The following RGS8 variants were observed in gnomAD, a reference collection of about 807,000 sequenced individuals.
The protein encoded by RGS8 is regulator of G-protein signaling 8.
In RGS8, 8 loss-of-function variants were observed where a neutral mutation model predicts 21.7. That is an observed-to-expected ratio of 0.37 (90% CI 0.22 to 0.66). RGS8 has a LOEUF of 0.66. Among genes scored for constraint, RGS8 ranks in the 30% least tolerant of loss-of-function variants. The probability of loss-of-function intolerance (pLI) is 0.59; values close to 1 mark genes in which losing one functional copy is unlikely to be tolerated. For synonymous variants in RGS8, 80 were observed against 83.6 expected (o/e 0.96, Z 0.24); for missense variants, 157 against 217.9 (o/e 0.72, Z 1.76).
At chr1:182,669,068 C>A (rs1664023081) in intron 3 of RGS8, among the ~76,000 whole-genome samples, 1 of 152,216 alleles carries the variant, frequency 6.6e-6, no homozygotes, top group African/African-American at 2.4e-5. Context: ...GTAAAGGATG[C>A]TACTTGTTAC....
At chr1:182,718,076 A>G in the RGS8 span, among the ~76,000 whole-genome samples, 1 of 152,188 alleles carries the variant, frequency 6.6e-6, no homozygotes, top group African/African-American at 2.4e-5. Flanking sequence ...TGAGATGTAG[A>G]CAAGTTTAAG....
upstream of RGS8, among the ~76,000 whole-genome samples, chr1:182,675,778 G>A (rs1346279796): frequency 6.6e-6 from 1 of 152,052 alleles, no homozygotes; most frequent in Non-Finnish European, 1.5e-5. Flanking sequence ...GCACCACCTT[G>A]CTGTAAGGCC....
At chr1:182,699,837 G>T in the RGS8 span, among the ~76,000 whole-genome samples, 2 of 152,190 alleles carry the variant, frequency 1.3e-5, no homozygotes, top group African/African-American at 4.8e-5. Context: ...GGGATCCCTC[G>T]GGGACTATAA....
chr1:182,672,977 C>T (rs959730382), upstream of RGS8: 6 of 866,478 alleles, frequency 6.9e-6, no homozygotes, highest in South Asian at 5.6e-5. Context: ...CACCCCTAGA[C>T]CTACAGAATC....
At chr1:182,744,601 G>A in the RGS8 span, among the ~76,000 whole-genome samples, 1 of 152,194 alleles carries the variant, frequency 6.6e-6, no homozygotes, top group Non-Finnish European at 1.5e-5. Context: ...TCTATGTTTA[G>A]TTGTGTGTAG....
the RGS8 span, among the ~76,000 whole-genome samples, chr1:182,706,516 G>A: frequency 6.6e-6 from 1 of 151,102 alleles, no homozygotes; most frequent in Non-Finnish European, 1.5e-5. Context: ...GCCCAGGCTG[G>A]AGTACAGTGG....
chr1:182,748,015 G>A, the RGS8 span, among the ~76,000 whole-genome samples: 1 of 151,764 alleles, frequency 6.6e-6, no homozygotes, highest in Admixed American at 6.6e-5. Context: ...AGGTATCATT[G>A]TGTCCAACAT....
chr1:182,724,821 G>T, the RGS8 span, among the ~76,000 whole-genome samples: 1 of 152,168 alleles, frequency 6.6e-6, no homozygotes, highest in Non-Finnish European at 1.5e-5. Context: ...GCCTCCCAAA[G>T]TGCTGGGATT....
chr1:182,733,990 G>C, the RGS8 span, among the ~76,000 whole-genome samples: 151 of 151,746 alleles, frequency 1.0e-3, 1 homozygote, highest in African/African-American at 3.5e-3. Flanking sequence ...GCATGATCTC[G>C]GCTCGCTGCA....
upstream of RGS8, among the ~76,000 whole-genome samples, chr1:182,687,972 T>C (rs1379797179): frequency 6.6e-6 from 1 of 152,228 alleles, no homozygotes; most frequent in East Asian, 1.9e-4. Context: ...ACATAGAGTT[T>C]ATGGTACATT....
At chr1:182,737,973 C>T in the RGS8 span, among the ~76,000 whole-genome samples, 309 of 152,276 alleles carry the variant, frequency 2.0e-3, 2 homozygotes, top group African/African-American at 7.1e-3. Context: ...TTGTGAGAAA[C>T]CTTGACCCAG....
At chr1:182,692,968 A>G in the RGS8 span, among the ~76,000 whole-genome samples, 2 of 152,242 alleles carry the variant, frequency 1.3e-5, no homozygotes, top group Admixed American at 1.3e-4. Flanking sequence ...CACCATATAC[A>G]CAAATCAACC....
chr1:182,692,005 TC>T, the RGS8 span, among the ~76,000 whole-genome samples: 3 of 150,848 alleles, frequency 2.0e-5, no homozygotes, highest in Non-Finnish European at 3.0e-5. Flanking sequence ...AGTTAGCATT[TC>T]TTTTTTTTTT....
intron 2 of RGS8, among the ~76,000 whole-genome samples, chr1:182,670,781 G>A (rs1664121045): frequency 6.6e-6 from 1 of 152,046 alleles, no homozygotes. Flanking sequence ...AAAAAAATTA[G>A]TTAGACTGTG....
At chr1:182,687,656 T>C (rs1664738438), upstream of RGS8, among the ~76,000 whole-genome samples, 2 of 152,082 alleles carry the variant, frequency 1.3e-5, no homozygotes, top group African/African-American at 4.8e-5. Context: ...ACAACAGAAA[T>C]GGATTTTGCT....
At chr1:182,693,515 A>C in the RGS8 span, among the ~76,000 whole-genome samples, 1 of 152,232 alleles carries the variant, frequency 6.6e-6, no homozygotes, top group Non-Finnish European at 1.5e-5. Flanking sequence ...CTTACACACA[A>C]TTGGTGGGAG....
At chr1:182,685,274 G>A (rs753458924), upstream of RGS8, among the ~76,000 whole-genome samples, 4 of 152,194 alleles carry the variant, frequency 2.6e-5, no homozygotes, top group Non-Finnish European at 5.9e-5. Flanking sequence ...GGGAGAATGT[G>A]ACGCTTCTGT....
At chr1:182,705,547 A>ATATAGAGAGTTG in the RGS8 span, among the ~76,000 whole-genome samples, 42 of 151,286 alleles carry the variant, frequency 2.8e-4, no homozygotes, top group African/African-American at 4.9e-4. Context: ...TTTTATAGCT[A>ATATAGAGAGTTG]CTTTATCTAG....
intron 5 of RGS8, among the ~76,000 whole-genome samples, 153 bp downstream of exon 6, chr1:182,665,816 T>C (rs1663828325): frequency 6.6e-6 from 1 of 152,224 alleles, no homozygotes; most frequent in Non-Finnish European, 1.5e-5. Flanking sequence ...TTCTTTTCTA[T>C]ATGCTCCTCT....
Sources: allele counts gnomAD v4.1 joint callset (sites outside exome capture counted in the v4.1 genomes callset), GRCh38; gene constraint gnomAD v4.1.1; transcripts MANE v1.5; gene names NCBI Gene and HGNC (gene_info 2026-07-23, HGNC 2026-07-21).